Variants in R3HDM2 observed in about 807,000 individuals in gnomAD.
R3HDM2 encodes R3H domain-containing protein 2.
A neutral mutation model predicts 124.5 loss-of-function variants in R3HDM2; 38 were observed. That is an observed-to-expected ratio of 0.31 (90% CI 0.24 to 0.40). R3HDM2 has a LOEUF of 0.40. Among genes scored for constraint, R3HDM2 ranks in the 10% least tolerant of loss-of-function variants. The pLI is 1.00. For synonymous variants in R3HDM2, 391 were observed against 448.0 expected, an observed-to-expected ratio of 0.87 and a Z score of 1.61; for missense variants, 869 against 1,236.9, an observed-to-expected ratio of 0.70 and a Z score of 4.46.
intron 2 of R3HDM2, among the ~76,000 whole-genome samples, chr12:57,354,732 G>C (rs2061066527): frequency 1.3e-5 from 2 of 152,086 alleles, no homozygotes; most frequent in African/African-American, 4.8e-5. Context: ...AATTCTAAGA[G>C]TTCTTCATAT....
chr12:57,327,564 A>G (rs1653188094), intron 2 of R3HDM2, among the ~76,000 whole-genome samples: 1 of 152,272 alleles, frequency 6.6e-6, no homozygotes, highest in Admixed American at 6.5e-5. Flanking sequence ...GAAAACCTGG[A>G]AAGGATTCAC....
chr12:57,314,680 T>C (rs2054653186), intron 2 of R3HDM2, among the ~76,000 whole-genome samples: 1 of 152,172 alleles, frequency 6.6e-6, no homozygotes, highest in South Asian at 2.1e-4. Flanking sequence ...AGTTGCTCCC[T>C]ATTATAAATT....
chr12:57,302,120 A>G (rs957533162), intron 4 of R3HDM2, among the ~76,000 whole-genome samples: 1 of 151,960 alleles, frequency 6.6e-6, no homozygotes, highest in African/African-American at 2.4e-5. Flanking sequence ...ACCTCTACTA[A>G]AAACACAAAA....
intron 2 of R3HDM2, among the ~76,000 whole-genome samples, chr12:57,392,494 C>T (rs546681539): frequency 1.1e-3 from 172 of 152,260 alleles, no homozygotes; most frequent in African/African-American, 4.1e-3. Flanking sequence ...AATGTTCACT[C>T]GCCTGCCGCT....
intron 14 of R3HDM2, among the ~76,000 whole-genome samples, chr12:57,274,034 A>G (rs1466692311): frequency 6.6e-6 from 1 of 152,216 alleles, no homozygotes; most frequent in African/African-American, 2.4e-5. Flanking sequence ...ATGGCATTCC[A>G]AATATAACTG....
intron 2 of R3HDM2, among the ~76,000 whole-genome samples, chr12:57,334,162 TCA>T (rs2058572218): frequency 6.6e-6 from 1 of 152,232 alleles, no homozygotes; most frequent in South Asian, 2.1e-4. Flanking sequence ...GCAGCTCAAT[TCA>T]CAGATAGGTG....
chr12:57,311,173 AAAG>A, intron 2 of R3HDM2, among the ~76,000 whole-genome samples: 1 of 152,078 alleles, frequency 6.6e-6, no homozygotes, highest in Admixed American at 6.6e-5. Context: ...CTCCCTTCAA[AAAG>A]AAGTAAAATC....
chr12:57,272,545 C>A, intron 14 of R3HDM2: 1 of 1,334,022 alleles, frequency 7.5e-7, no homozygotes, highest in Non-Finnish European at 9.9e-7. Flanking sequence ...GGCTGCAGAG[C>A]CGGGACTGGC....
rs71084742 is a variant in R3HDM2 at position 57,328,074 on chromosome 12, C to CT, written c.-35-17612dup. Among the ~76,000 whole-genome samples the CT allele has an allele frequency of 4.3e-3, 617 of 143,736 alleles. 3 individuals carry two copies. The highest frequency in any genetic ancestry group is 0.012 in the African/African-American group (476 of 39,156). 94.3% of individuals were successfully genotyped at this position (143,736 alleles called of 152,430 possible). A position where few individuals can be genotyped will look rare whatever the true frequency, so the allele number is the denominator to read the frequency against. Reference sequence around the variant, plus strand: ...AGTCGATTCGGTAAATTCACGTTATCTTTTTTTTTTTTTTTGAGACAGGGT... The same window carrying CT: ...AGTCGATTCGGTAAATTCACGTTATCTTTTTTTTTTTTTTTTGAGACAGGGT... On this transcript the variant is annotated intron_variant, in intron 2 of 23. Transcript: ENST00000402412.
intron 1 of R3HDM2, among the ~76,000 whole-genome samples, chr12:57,419,835 T>C (rs1255224002): frequency 6.6e-6 from 1 of 151,926 alleles, no homozygotes; most frequent in Non-Finnish European, 1.5e-5. Flanking sequence ...CATGATATCT[T>C]TGCCTGCCTA....
At chr12:57,411,518 G>A (rs1231443495) in intron 1 of R3HDM2, among the ~76,000 whole-genome samples, 2 of 152,178 alleles carry the variant, frequency 1.3e-5, no homozygotes, top group African/African-American at 2.4e-5. Flanking sequence ...CACCTTCTGT[G>A]CAGCTTATTT....
chr12:57,353,776 A>T (rs1320854802), intron 2 of R3HDM2, among the ~76,000 whole-genome samples: 1 of 152,124 alleles, frequency 6.6e-6, no homozygotes, highest in Non-Finnish European at 1.5e-5. Flanking sequence ...AAATCTTGAC[A>T]TGAACATATG....
chr12:57,275,951 C>G (rs532543648), intron 14 of R3HDM2, among the ~76,000 whole-genome samples: 2 of 152,200 alleles, frequency 1.3e-5, no homozygotes, highest in Non-Finnish European at 2.9e-5. Context: ...GGCGCAGTGG[C>G]TCATGCCTGT....
intron 2 of R3HDM2, among the ~76,000 whole-genome samples, chr12:57,339,440 G>A (rs2059279289): frequency 6.6e-6 from 1 of 152,014 alleles, no homozygotes; most frequent in South Asian, 2.1e-4. Flanking sequence ...GGTGGCTCAT[G>A]ACTGTAATTC....
At chr12:57,344,959 A>T (rs10783821) in intron 2 of R3HDM2, among the ~76,000 whole-genome samples, 3 of 152,022 alleles carry the variant, frequency 2.0e-5, no homozygotes, top group Middle Eastern at 3.2e-3. Flanking sequence ...CTCAGCCTCC[A>T]GAGTAGCTGG....
rs114735196 is a variant in R3HDM2, at chr12:57,297,984, G to A, written c.500+106C>T. The A allele has an allele frequency of 2.5e-3, 1,934 of 768,538 alleles. 24 individuals carry two copies. In the African/African-American group the frequency reaches 0.029, roughly 11 times the overall value. 47.6% of individuals were successfully genotyped at this position (768,538 alleles called of 1,614,324 possible). ...ACAAATACTAGGGGGACAGGAAGAT[G>A]AGCATCCTAGATTCTAAGAATGGAA... is the stretch of plus-strand genomic sequence containing the variant. On this transcript the variant is annotated intron_variant, in intron 7 of 23. Coordinates refer to ENST00000402412, the MANE Select transcript of R3HDM2 (RefSeq NM_001394031.1).
At chr12:57,336,395 C>T (rs143428739) in intron 2 of R3HDM2, among the ~76,000 whole-genome samples, 2 of 152,064 alleles carry the variant, frequency 1.3e-5, no homozygotes, top group African/African-American at 4.8e-5. Context: ...AAGACGTGGT[C>T]GATTTAGGTT....
chr12:57,342,554 G>A (rs922257654), intron 2 of R3HDM2, among the ~76,000 whole-genome samples: 4 of 151,814 alleles, frequency 2.6e-5, no homozygotes, highest in Non-Finnish European at 4.4e-5. Context: ...TCCTCTTCTC[G>A]CTCTCATTCA....
intron 14 of R3HDM2, among the ~76,000 whole-genome samples, chr12:57,276,690 A>G (rs542463987): frequency 6.6e-6 from 1 of 152,318 alleles, no homozygotes; most frequent in African/African-American, 2.4e-5. Flanking sequence ...GTTTGAGACC[A>G]GCCTGACCTA....
Sources: gnomAD v4.1 joint callset for allele counts (sites outside exome capture counted in the v4.1 genomes callset) on GRCh38, gnomAD v4.1.1 for gene constraint, MANE v1.5 for transcripts, NCBI Gene and HGNC (gene_info 2026-07-23, HGNC 2026-07-21) for gene names.